The following PCDH15 variants were observed in gnomAD, a reference collection of about 807,000 sequenced individuals.
PCDH15 encodes the protein protocadherin-15.
In PCDH15, 129 loss-of-function variants were observed where a neutral mutation model predicts 178.5. The ratio of observed to expected loss-of-function variants is 0.72; its 90% CI spans 0.63 to 0.84. The LOEUF (loss-of-function observed/expected upper bound fraction) is 0.84. Among genes scored for constraint, PCDH15 ranks in the 40% least tolerant of loss-of-function variants. The pLI is 0.00. For synonymous variants in PCDH15, 800 were observed against 732.0 expected, an observed-to-expected ratio of 1.09 and a Z score of -1.50; for missense variants, 2,230 against 2,099.9, an observed-to-expected ratio of 1.06 and a Z score of -1.21.
intron 2 of PCDH15, among the ~76,000 whole-genome samples, chr10:54,912,918 T>G (rs2131836343): frequency 6.6e-6 from 1 of 152,264 alleles, no homozygotes; most frequent in South Asian, 2.1e-4. Flanking sequence ...TTACCAGGCT[T>G]AGAAAAGAGA....
chr10:54,540,499 T>C (rs1364776405), intron 2 of PCDH15, among the ~76,000 whole-genome samples: 2 of 152,020 alleles, frequency 1.3e-5, no homozygotes, highest in Admixed American at 1.3e-4. Context: ...TTGAGTTCCA[T>C]ATTGACTCAG....
At chr10:55,590,906 T>G (rs1374401221) in intron 2 of PCDH15, among the ~76,000 whole-genome samples, 1 of 152,142 alleles carries the variant, frequency 6.6e-6, no homozygotes, top group African/African-American at 2.4e-5. Flanking sequence ...TCCTAAGAAA[T>G]AAGAGAATTA....
intron 1 of PCDH15, among the ~76,000 whole-genome samples, chr10:55,182,746 G>A (rs1839686324): frequency 1.3e-5 from 2 of 151,894 alleles, no homozygotes; most frequent in African/African-American, 2.4e-5. Flanking sequence ...GAAAACAGGA[G>A]GAAAACTGTG....
At chr10:54,309,609 C>G (rs1011507932) in intron 8 of PCDH15, among the ~76,000 whole-genome samples, 2 of 151,966 alleles carry the variant, frequency 1.3e-5, no homozygotes, top group African/African-American at 4.8e-5. Context: ...GCCTGACCAA[C>G]ATGGTGAAAC....
At chr10:54,468,244 T>C (rs373693621) in intron 3 of PCDH15, among the ~76,000 whole-genome samples, 2 of 152,076 alleles carry the variant, frequency 1.3e-5, no homozygotes, top group Admixed American at 6.5e-5. Context: ...TTGAGGTGTA[T>C]CATTAGATTG....
intron 18 of PCDH15, among the ~76,000 whole-genome samples, chr10:54,065,948 C>T (rs1240234964): frequency 2.0e-5 from 3 of 152,140 alleles, no homozygotes; most frequent in Non-Finnish European, 2.9e-5. Context: ...AGCACCAGCA[C>T]GCCTTCTGTG....
intron 2 of PCDH15, among the ~76,000 whole-genome samples, chr10:55,472,353 A>T (rs1034626146): frequency 1.3e-5 from 2 of 151,790 alleles, no homozygotes; most frequent in Non-Finnish European, 1.5e-5. Flanking sequence ...TTTTTCCATT[A>T]TGATTATGTT....
At chr10:53,991,083 C>T (rs11003969) in intron 21 of PCDH15, among the ~76,000 whole-genome samples, 99,288 of 151,904 alleles carry the variant, frequency 0.65, 32,580 homozygotes, top group Middle Eastern at 0.73. Flanking sequence ...CCGCCATGGC[C>T]GAACCCCCCC....
chr10:55,134,637 T>A (rs1838140941), intron 2 of PCDH15, among the ~76,000 whole-genome samples: 1 of 152,182 alleles, frequency 6.6e-6, no homozygotes, highest in South Asian at 2.1e-4. Flanking sequence ...GTCTTTTGTT[T>A]TCTGATTGGA....
chr10:54,474,814 G>A (rs2078161383), intron 3 of PCDH15, among the ~76,000 whole-genome samples: 2 of 151,924 alleles, frequency 1.3e-5, no homozygotes, highest in African/African-American at 4.8e-5. Context: ...TTGATAAAAT[G>A]TTTCGAGGTT....
At chr10:54,994,523 T>C (rs902875277) in intron 2 of PCDH15, among the ~76,000 whole-genome samples, 3 of 152,150 alleles carry the variant, frequency 2.0e-5, no homozygotes, top group African/African-American at 4.8e-5. Flanking sequence ...TCTCCGTGAG[T>C]TCTGAGAAAC....
intron 1 of PCDH15, among the ~76,000 whole-genome samples, chr10:55,272,219 C>A (rs1842463121): frequency 6.6e-6 from 1 of 151,484 alleles, no homozygotes; most frequent in Non-Finnish European, 1.5e-5. Context: ...AAGAAAAGAA[C>A]AATCAGGATT....
chr10:54,681,489 GAAGA>G (rs1305888304), intron 1 of PCDH15, among the ~76,000 whole-genome samples: 1 of 108,838 alleles, frequency 9.2e-6, no homozygotes, highest in Non-Finnish European at 2.3e-5. Flanking sequence ...GAAGCCAAAT[GAAGA>G]AAGGATTTCA....
intron 3 of PCDH15, among the ~76,000 whole-genome samples, chr10:54,389,644 T>C (rs11004271): frequency 0.22 from 34,199 of 152,118 alleles, 5,584 homozygotes; most frequent in East Asian, 0.82. Context: ...TGTGTTTAAA[T>C]AGCCATCCAT....
intron 3 of PCDH15, among the ~76,000 whole-genome samples, chr10:54,383,629 TTGTG>T (rs71461236): frequency 1.0e-4 from 12 of 117,588 alleles, no homozygotes; most frequent in African/African-American, 3.0e-4. Flanking sequence ...ATGTGTGTTT[TTGTG>T]TGTGTGTGTG....
chr10:54,436,119 G>GAAAGAAAGAAAGAA (rs1165624065), intron 3 of PCDH15, among the ~76,000 whole-genome samples: 53 of 145,868 alleles, frequency 3.6e-4, no homozygotes, highest in African/African-American at 1.3e-3. Flanking sequence ...AGGAAAGAAG[G>GAAAGAAAGAAAGAA]AAAGAAAGAA....
chr10:53,837,506 C>A (rs2077375490), intron 29 of PCDH15, among the ~76,000 whole-genome samples: 1 of 151,978 alleles, frequency 6.6e-6, no homozygotes, highest in Non-Finnish European at 1.5e-5. Context: ...TTTTTCAAAT[C>A]AAAGTAAGTT....
intron 20 of PCDH15, among the ~76,000 whole-genome samples, chr10:54,003,612 T>C (rs966831015): frequency 5.3e-5 from 8 of 150,136 alleles, no homozygotes; most frequent in African/African-American, 1.7e-4. Context: ...ATATAGCAAA[T>C]AACAAGTATC....
At chr10:55,280,267 T>C (rs1842694622) in intron 1 of PCDH15, among the ~76,000 whole-genome samples, 1 of 142,668 alleles carries the variant, frequency 7.0e-6, no homozygotes, top group South Asian at 2.2e-4. Flanking sequence ...GTTATTTTGA[T>C]TCTTTTTTTT....
Sources: gnomAD v4.1 joint callset for allele counts (sites outside exome capture counted in the v4.1 genomes callset) on GRCh38, gnomAD v4.1.1 for gene constraint, MANE v1.5 for transcripts, NCBI Gene and HGNC (gene_info 2026-07-23, HGNC 2026-07-21) for gene names.